NCLN: variants seen among roughly 807,000 people sequenced by gnomAD.
NCLN encodes BOS complex subunit NCLN.
NCLN carries 34 observed loss-of-function variants against 69.5 expected under a neutral mutation model. The observed-to-expected ratio is 0.49, with a 90% CI of 0.37 to 0.65. The LOEUF (loss-of-function observed/expected upper bound fraction) is 0.65, where lower values mean the gene tolerates loss of function less well. Ranked by LOEUF, NCLN falls within the 30% of genes least tolerant of loss-of-function variation. The pLI is 0.00. For synonymous variants in NCLN, 393 were observed against 358.3 expected, an observed-to-expected ratio of 1.10 and a Z score of -1.09; for missense variants, 710 against 804.8, an observed-to-expected ratio of 0.88 and a Z score of 1.42.
At position 3,208,473 on chromosome 19, in the gene NCLN, C is replaced by G. The variant is rs966259491; in HGVS notation, c.*785C>G. ...CAGCCCATCCCTCCGGCCCCTGTGC[C>G]TCTGCGGCCCCAGCCCAGCTCCCAG... On this transcript the variant is annotated 3_prime_UTR_variant, in exon 15 of 15. Coordinates refer to ENST00000246117, the MANE Select transcript of NCLN (RefSeq NM_020170.4). The G allele has an allele frequency of 2.6e-5, 4 of 152,886 alleles. No homozygotes were observed. The highest frequency in any genetic ancestry group is 2.6e-4 in the Admixed American group (4 of 15,294). The allele number at this position is 152,886 out of a possible 1,614,324, so 9.5% of individuals were successfully genotyped here. A position where few individuals can be genotyped will look rare whatever the true frequency, so the allele number is the denominator to read the frequency against.
At chr19:3,199,206 C>T (rs1463828451) in intron 5 of NCLN, among the ~76,000 whole-genome samples, 3 of 152,232 alleles carry the variant, frequency 2.0e-5, no homozygotes, top group Non-Finnish European at 2.9e-5. Flanking sequence ...CACACGAGGC[C>T]TCCTCGAGGC....
Position 3,186,107 on chromosome 19 carries a change from T to C in NCLN, c.77T>C (p.Leu26Pro). The change falls in exon 1 of 15, where the codon CTG becomes CCG. Residue 26 changes from leucine (L) to proline (P), a missense_variant. Coordinates refer to ENST00000246117, the MANE Select transcript of NCLN (RefSeq NM_020170.4). Reference protein sequence around the residue: ...SCLPLGFIVFLPAVLLLVAPP... With the variant: ...SCLPLGFIVFPPAVLLLVAPP... ...CTGCCGCTCGGCTTCATCGTCTTCC[T>C]GCCCGCTGTGCTGCTGCTGGTGGCG... The C allele has an allele frequency of 1.3e-6, 2 of 1,599,372 alleles. No individual in the cohort carries two copies. The highest frequency in any genetic ancestry group is 1.7e-6 in the Non-Finnish European group (2 of 1,174,872).
chr19:3,188,281 G>A (rs530787773), intron 1 of NCLN, among the ~76,000 whole-genome samples: 34 of 151,904 alleles, frequency 2.2e-4, no homozygotes, highest in African/African-American at 8.0e-4. Flanking sequence ...CCCACCCAGG[G>A]AATGCATGTT....
chr19:3,192,297 G>A (rs952854678), intron 1 of NCLN, among the ~76,000 whole-genome samples, 173 bp from the exon 2 acceptor site: 18 of 151,856 alleles, frequency 1.2e-4, no homozygotes, highest in Non-Finnish European at 2.5e-4. Flanking sequence ...CCTGTGACCC[G>A]TTATGTCGGG....
chr19:3,196,061 C>T (rs756327446), intron 3 of NCLN, 122 bp from the exon 4 acceptor site: 195 of 559,612 alleles, frequency 3.5e-4, no homozygotes, highest in Non-Finnish European at 5.2e-4. Flanking sequence ...CTGCTGGTCA[C>T]GTCCCCACAC....
Position 3,202,577 on chromosome 19 carries a change from G to A in NCLN, c.800+951G>A, listed in dbSNP as rs1916154856. On this transcript the variant is annotated intron_variant, in intron 6 of 14. Coordinates refer to ENST00000246117, the MANE Select transcript of NCLN (RefSeq NM_020170.4). ...TGTGTCAGCAGCTCAGAGAGGCCAGGGCCACTGTGGCTGAGACGTTTCTCA... is the reference window on the plus strand; with the variant it reads ...TGTGTCAGCAGCTCAGAGAGGCCAGAGCCACTGTGGCTGAGACGTTTCTCA... Among the ~76,000 whole-genome samples the A allele has an allele frequency of 1.3e-5, 2 of 152,200 alleles. 1 individual carries two copies. The highest frequency in any genetic ancestry group is 1.3e-4 in the Admixed American group (2 of 15,280).
intron 8 of NCLN, 50 bp downstream of exon 8, chr19:3,204,194 T>G: frequency 6.8e-7 from 1 of 1,473,430 alleles, no homozygotes; most frequent in Non-Finnish European, 8.9e-7. Context: ...AGCACACACA[T>G]CGGGGCCGGG....
chr19:3,201,786 G>GA (rs1568314021), intron 6 of NCLN, among the ~76,000 whole-genome samples, 160 bp downstream of exon 6: 1 of 152,188 alleles, frequency 6.6e-6, no homozygotes, highest in Non-Finnish European at 1.5e-5. Flanking sequence ...GGGCTAAGCT[G>GA]AGCCCTCGCA....
At chr19:3,188,754 G>C (rs906775776) in intron 1 of NCLN, among the ~76,000 whole-genome samples, 2 of 152,222 alleles carry the variant, frequency 1.3e-5, no homozygotes, top group African/African-American at 2.4e-5. Flanking sequence ...CGGGGTGAGC[G>C]GAGGAGCCCA....
In NCLN at chr19:3,206,085, C is replaced by CCCCGGT. The variant is rs1916257949; in HGVS notation, c.1296+62_1296+63insGGTCCC. On this transcript the variant is annotated intron_variant, in intron 10 of 14. Transcript: ENST00000246117. ...GCCCCAGCCCTGCCCCCGGCCCCGG[C>CCCCGGT]CCCACCCCTGGCCCCAGCCCCACTG... 4.4e-6 allele frequency: 7 copies of CCCCGGT among 1,583,852 alleles called. No individual in the cohort carries two copies. In the Admixed American group the frequency reaches 1.1e-4, roughly 24 times the overall value.
At chr19:3,196,598 AAGCCCCCTCCAGGCTGCAGTGTCGCC>A (rs1915963793) in intron 4 of NCLN, among the ~76,000 whole-genome samples, 1 of 151,952 alleles carries the variant, frequency 6.6e-6, no homozygotes, top group Non-Finnish European at 1.5e-5. Flanking sequence ...CCCTCCCAGG[AAGCCCCCTCCAGGCTGCAGTGTCGCC>A]AGCCCCCTCT....
At chr19:3,201,229 C>T (rs1049160728) in intron 5 of NCLN, among the ~76,000 whole-genome samples, 15 of 152,190 alleles carry the variant, frequency 9.9e-5, no homozygotes, top group Non-Finnish European at 1.3e-4. Flanking sequence ...CTCCCGGGCG[C>T]GGGCCGAGCC....
chr19:3,190,747 G>A (rs1277641469), intron 1 of NCLN, among the ~76,000 whole-genome samples: 1 of 148,624 alleles, frequency 6.7e-6, no homozygotes, highest in African/African-American at 2.6e-5. Flanking sequence ...CGGCCCCCCT[G>A]CGTCAGGCCT....
chr19:3,189,068 C>G (rs1426967940), intron 1 of NCLN, among the ~76,000 whole-genome samples: 1 of 152,264 alleles, frequency 6.6e-6, no homozygotes, highest in African/African-American at 2.4e-5. Flanking sequence ...AACTTCCTTC[C>G]TGCTGCTGTT....
At position 3,205,942 on chromosome 19, in the gene NCLN, C is replaced by T. The variant is rs773490938; in HGVS notation, c.1212C>T (p.Ser404=). The change falls in exon 10 of 15, where the codon TCC becomes TCT. Residue 404 remains serine, a synonymous_variant. Transcript: ENST00000246117. This position sits in a 1 kb window ranked among gnomAD's most constrained non-coding sequence, Gnocchi z 4.6. ...GQRSSIMDVR[S]RVDSKTLTRN... is the part of the protein sequence containing the mutation. ...ACATTGTTTTTGAATCGTGAAGGTC[C>T]CGGGTGGATTCTAAGACCCTGACCC... The T allele has an allele frequency of 4.8e-5, 78 of 1,613,478 alleles. No individual in the cohort carries two copies. Among genetic ancestry groups the T allele is most frequent in the Non-Finnish European group, 6.3e-5 (74 of 1,179,922 alleles).
intron 1 of NCLN, among the ~76,000 whole-genome samples, chr19:3,191,122 C>T (rs112171730): frequency 3.4e-5 from 5 of 147,502 alleles, no homozygotes; most frequent in African/African-American, 7.4e-5. Context: ...GCAGGGAGAT[C>T]GTCGCGGTGC....
intron 13 of NCLN, 39 bp from the exon 14 acceptor site, chr19:3,207,352 G>A (rs79771827): frequency 4.3e-6 from 7 of 1,612,374 alleles, no homozygotes; most frequent in South Asian, 1.1e-5. Context: ...TTACTGCCGC[G>A]CACCATCCTC....
intron 3 of NCLN, among the ~76,000 whole-genome samples, chr19:3,194,224 A>G (rs1300361210): frequency 6.6e-6 from 1 of 152,236 alleles, no homozygotes; most frequent in Non-Finnish European, 1.5e-5. Flanking sequence ...TACTAAAAAA[A>G]TAGAAAAAGT....
intron 1 of NCLN, among the ~76,000 whole-genome samples, chr19:3,191,060 C>G (rs894320118): frequency 7.0e-6 from 1 of 143,638 alleles, no homozygotes; most frequent in Admixed American, 6.9e-5. Context: ...GCAGGGAGAT[C>G]GTCGCGGTGT....
Sources: gnomAD v4.1 joint callset for allele counts (sites outside exome capture counted in the v4.1 genomes callset) on GRCh38, gnomAD v4.1.1 for gene constraint, Gnocchi (gnomAD v3.1) non-coding constraint, MANE v1.5 for transcripts, NCBI Gene and HGNC (gene_info 2026-07-23, HGNC 2026-07-21) for gene names.